FANCC: variants seen among roughly 807,000 people sequenced by gnomAD.
FANCC encodes the protein FA complementation group C.
In FANCC, 55 loss-of-function variants were observed where a neutral mutation model predicts 71.3. The ratio of observed to expected loss-of-function variants is 0.77; its 90% CI spans 0.62 to 0.97. FANCC has a LOEUF of 0.97. Ranked by LOEUF, FANCC falls within the 50% of genes least tolerant of loss-of-function variation. The probability of loss-of-function intolerance (pLI) is 0.00; values close to 1 mark genes in which losing one functional copy is unlikely to be tolerated. For missense variants in FANCC, 678 were observed against 670.9 expected (o/e 1.01, Z -0.12); for synonymous variants, 275 against 244.9 (o/e 1.12, Z -1.15).
Position 95,284,907 on chromosome 9 carries a change from CAT to C in FANCC, c.-79+32617_-79+32618del, listed in dbSNP as rs1833596973. 5.4e-5 allele frequency among the ~76,000 whole-genome samples: 8 copies of C among 147,524 alleles called. No homozygotes were observed. The South Asian group carries it at 1.7e-3, about 32-fold the overall frequency. ...ACACACACACACACACACACACAAA[CAT>C]ACGCATGCGCACACGCACAGAGAGA... is the stretch of plus-strand genomic sequence containing the variant. On this transcript the variant is annotated intron_variant, in intron 1 of 14. Transcript: ENST00000289081.
rs144359892 is a variant in FANCC, at chr9:95,184,897, C to G, written c.346-12750G>C. On this transcript the variant is annotated intron_variant, in intron 4 of 14. Transcript: ENST00000289081. ...CTGAACGTCCTAAAGGTACCAAGTA[C>G]AGTAAAGCTAATCAGATACTTCACA... Among the ~76,000 whole-genome samples, 468 of 152,330 alleles carry G rather than the reference C, an allele frequency of 3.1e-3. 4 individuals carry two copies. The highest frequency in any genetic ancestry group is 0.011 in the African/African-American group (446 of 41,576).
At position 95,144,897 on chromosome 9, in the gene FANCC, G is replaced by T. The variant is rs138887406; in HGVS notation, c.686+5026C>A. Among the ~76,000 whole-genome samples the T allele has an allele frequency of 3.2e-4, 49 of 152,222 alleles. No individual in the cohort carries two copies. The East Asian group carries it at 8.9e-3, about 28-fold the overall frequency. ...CCCTTTACTCAGTATCTCACATAAGGACCAAACATAACGCTCGGACTCCTC... is the reference window on the plus strand; with the variant it reads ...CCCTTTACTCAGTATCTCACATAAGTACCAAACATAACGCTCGGACTCCTC... On this transcript the variant is annotated intron_variant, in intron 7 of 14. Transcript: ENST00000289081.
chr9:95,155,100 G>C (rs1342165540), intron 6 of FANCC, among the ~76,000 whole-genome samples: 2 of 150,158 alleles, frequency 1.3e-5, no homozygotes, highest in African/African-American at 4.9e-5. Context: ...CCAGCCACTC[G>C]GGAGGCTGAG....
intron 4 of FANCC, among the ~76,000 whole-genome samples, chr9:95,220,880 T>C (rs1467126112): frequency 7.1e-6 from 1 of 141,590 alleles, no homozygotes; most frequent in Non-Finnish European, 1.5e-5. Context: ...AAAATAATAA[T>C]AAATAAATAA....
intron 3 of FANCC, among the ~76,000 whole-genome samples, chr9:95,246,622 C>T (rs1830996479): frequency 6.6e-6 from 1 of 152,158 alleles, no homozygotes; most frequent in South Asian, 2.1e-4. Flanking sequence ...TCTCGAGAGG[C>T]ATGCTGTCTT....
chr9:95,232,521 T>C lies in FANCC; in HGVS notation c.345+8128A>G, dbSNP rs1830068576. ...AAGAAACTGAAAGTACTTTATTAAATTCACTATTTATTCATAACATCCTTG... is the reference window on the plus strand; with the variant it reads ...AAGAAACTGAAAGTACTTTATTAAACTCACTATTTATTCATAACATCCTTG... On this transcript the variant is annotated intron_variant, in intron 4 of 14. Transcript: ENST00000289081. Among the ~76,000 whole-genome samples, 2 of 152,230 alleles carry C rather than the reference T, an allele frequency of 1.3e-5. 1 individual carries two copies. Among genetic ancestry groups the C allele is most frequent in the East Asian group, 3.9e-4 (2 of 5,194 alleles).
In FANCC at chr9:95,247,331, T is replaced by TA. The variant is rs529124256; in HGVS notation, c.250+100dup. ...GAATACATTTGATAAGTTGTTCCAT[T>TA]AAAAAAAAAAAACTAGGAGAAAGGT... On this transcript the variant is annotated intron_variant, in intron 3 of 14. Transcript: ENST00000289081. 0.21 allele frequency: 135,646 copies of TA among 641,112 alleles called. 1 individual carries two copies. Among genetic ancestry groups the TA allele is most frequent in the South Asian group, 0.3 (13,795 of 45,864 alleles). 39.7% of individuals were successfully genotyped at this position (641,112 alleles called of 1,614,324 possible). A position where few individuals can be genotyped will look rare whatever the true frequency, so the allele number is the denominator to read the frequency against.
chr9:95,151,928 A>C (rs1160845516), intron 6 of FANCC, among the ~76,000 whole-genome samples: 7 of 138,530 alleles, frequency 5.1e-5, no homozygotes, highest in Admixed American at 4.2e-4. Context: ...GACCTGTCTC[A>C]AAAAAAAAAA....
At chr9:95,251,315 T>C (rs749046786) in intron 1 of FANCC, among the ~76,000 whole-genome samples, 3 of 152,206 alleles carry the variant, frequency 2.0e-5, no homozygotes, top group African/African-American at 7.2e-5. Context: ...ATTTTATTTT[T>C]ATGTTATGTA....
chr9:95,119,304 T>C (rs1238206095), intron 10 of FANCC, among the ~76,000 whole-genome samples: 1 of 152,200 alleles, frequency 6.6e-6, no homozygotes, highest in African/African-American at 2.4e-5. Context: ...TGTATACATA[T>C]ATTACAAATA....
At chr9:95,239,746 A>T (rs1284589943) in intron 4 of FANCC, among the ~76,000 whole-genome samples, 1 of 152,244 alleles carries the variant, frequency 6.6e-6, no homozygotes, top group South Asian at 2.1e-4. Context: ...GAAAAATATA[A>T]ATACTGTCTT....
At chr9:95,168,679 A>C (rs948822660) in intron 6 of FANCC, among the ~76,000 whole-genome samples, 3 of 152,150 alleles carry the variant, frequency 2.0e-5, no homozygotes, top group African/African-American at 7.2e-5. Flanking sequence ...TACAGGCATA[A>C]GCCACCACGC....
At chr9:95,156,467 C>T (rs1830466428) in intron 6 of FANCC, among the ~76,000 whole-genome samples, 1 of 152,096 alleles carries the variant, frequency 6.6e-6, no homozygotes, top group African/African-American at 2.4e-5. Context: ...ATAAATTTGT[C>T]CAGGTACTTT....
intron 8 of FANCC, among the ~76,000 whole-genome samples, chr9:95,133,565 A>G (rs2135130293): frequency 6.6e-6 from 1 of 152,322 alleles, no homozygotes; most frequent in East Asian, 1.9e-4. Context: ...TGTGCTCACC[A>G]CAGTGCTGCT....
At chr9:95,307,082 G>A (rs975157462) in intron 1 of FANCC, among the ~76,000 whole-genome samples, 3 of 151,914 alleles carry the variant, frequency 2.0e-5, no homozygotes, top group African/African-American at 7.3e-5. Flanking sequence ...ACAAGGTTTC[G>A]CCATGTTGCC....
chr9:95,108,774 T>G (rs2071665004), intron 13 of FANCC, among the ~76,000 whole-genome samples: 1 of 152,232 alleles, frequency 6.6e-6, no homozygotes. Context: ...TCGGTTTATA[T>G]ACTTCTTGTC....
chr9:95,146,788 T>G (rs900956909), intron 7 of FANCC, among the ~76,000 whole-genome samples: 8 of 151,864 alleles, frequency 5.3e-5, no homozygotes, highest in African/African-American at 1.9e-4. Flanking sequence ...TGCAACAATT[T>G]TCAAAGTGGG....
intron 1 of FANCC, among the ~76,000 whole-genome samples, chr9:95,252,462 C>T (rs984706912): frequency 2.6e-5 from 4 of 151,056 alleles, no homozygotes; most frequent in Non-Finnish European, 5.9e-5. Context: ...ATTGCAGGCC[C>T]GGGGCTGGGC....
intron 4 of FANCC, among the ~76,000 whole-genome samples, chr9:95,233,720 T>C (rs1198388468): frequency 6.6e-6 from 1 of 152,204 alleles, no homozygotes; most frequent in African/African-American, 2.4e-5. Flanking sequence ...TTATTACTGG[T>C]TAATAAAGTT....
Sources: gnomAD v4.1 joint callset for allele counts (sites outside exome capture counted in the v4.1 genomes callset) on GRCh38, gnomAD v4.1.1 for gene constraint, MANE v1.5 for transcripts, NCBI Gene and HGNC (gene_info 2026-07-23, HGNC 2026-07-21) for gene names.